Variants in CSMD1 observed in about 807,000 individuals in gnomAD.
The protein encoded by CSMD1 is CUB and Sushi multiple domains 1, also known as CUB and sushi domain-containing protein 1.
CSMD1 carries 213 observed loss-of-function variants against 417.5 expected under a neutral mutation model. The observed-to-expected ratio is 0.51, with a 90% confidence interval of 0.46 to 0.57. CSMD1 has a LOEUF of 0.57. CSMD1 is among the 20% of genes least tolerant of loss of function. The pLI, the probability that CSMD1 is intolerant of heterozygous loss-of-function variation, is 0.00. For missense variants in CSMD1, 6,923 were observed against 4,529.7 expected, an observed-to-expected ratio of 1.53 and a Z score of -15.17; for synonymous variants, 2,862 against 1,736.8, an observed-to-expected ratio of 1.65 and a Z score of -16.11.
chr8:3,029,899 T>C (rs533942387), intron 50 of CSMD1, among the ~76,000 whole-genome samples: 5 of 152,182 alleles, frequency 3.3e-5, no homozygotes, highest in South Asian at 2.1e-4. Context: ...ATAGTAATTG[T>C]GTAATTGCAA....
At chr8:3,923,856 C>G (rs1360801057) in intron 5 of CSMD1, among the ~76,000 whole-genome samples, 1 of 152,150 alleles carries the variant, frequency 6.6e-6, no homozygotes, top group South Asian at 2.1e-4. Flanking sequence ...TAAGTGAAAT[C>G]ATGCAGTATT....
At chr8:4,045,241 A>T (rs1442265424) in intron 3 of CSMD1, among the ~76,000 whole-genome samples, 2 of 152,222 alleles carry the variant, frequency 1.3e-5, no homozygotes, top group African/African-American at 4.8e-5. Flanking sequence ...TAATGAGCTT[A>T]GGAGCAGAAG....
intron 1 of CSMD1, among the ~76,000 whole-genome samples, chr8:4,758,826 C>T (rs1456623297): frequency 6.6e-6 from 1 of 152,148 alleles, no homozygotes; most frequent in Non-Finnish European, 1.5e-5. Context: ...CAACCACCTC[C>T]CACCAGGTCT....
intron 25 of CSMD1, among the ~76,000 whole-genome samples, chr8:3,299,036 A>C (rs1804181737): frequency 6.6e-6 from 1 of 152,218 alleles, no homozygotes; most frequent in Admixed American, 6.5e-5. Flanking sequence ...TCATGACTCC[A>C]ACAAAAAATA....
chr8:4,919,656 T>C (rs1210678695), intron 1 of CSMD1, among the ~76,000 whole-genome samples: 2 of 152,308 alleles, frequency 1.3e-5, no homozygotes, highest in Admixed American at 6.5e-5. Flanking sequence ...CTCCAGTACA[T>C]TGTACTACTA....
At chr8:4,047,401 T>G (rs1010523708) in intron 3 of CSMD1, among the ~76,000 whole-genome samples, 1 of 152,140 alleles carries the variant, frequency 6.6e-6, no homozygotes, top group Non-Finnish European at 1.5e-5. Flanking sequence ...TCAGGAAATA[T>G]TGCGGAAAAA....
intron 1 of CSMD1, among the ~76,000 whole-genome samples, chr8:4,755,661 G>T (rs1811622124): frequency 6.6e-6 from 1 of 152,204 alleles, no homozygotes; most frequent in East Asian, 1.9e-4. Context: ...TCTGTCAATG[G>T]CATTATTAGT....
At chr8:3,976,600 T>A (rs188236703) in intron 5 of CSMD1, among the ~76,000 whole-genome samples, 120 of 152,356 alleles carry the variant, frequency 7.9e-4, no homozygotes, top group African/African-American at 2.5e-3. Context: ...AAGATTTGCA[T>A]AAGCATTAAT....
At chr8:3,272,171 C>A (rs1352557558) in intron 26 of CSMD1, among the ~76,000 whole-genome samples, 1 of 146,732 alleles carries the variant, frequency 6.8e-6, no homozygotes, top group Non-Finnish European at 1.5e-5. Flanking sequence ...TTCCCAGCAC[C>A]ATTTATTAAA....
At chr8:4,571,635 A>T (rs1047247035) in intron 2 of CSMD1, among the ~76,000 whole-genome samples, 1 of 152,188 alleles carries the variant, frequency 6.6e-6, no homozygotes. Flanking sequence ...TCGGGTGGAC[A>T]GTTCTATAGA....
At chr8:4,319,460 C>T (rs1455095520) in intron 3 of CSMD1, among the ~76,000 whole-genome samples, 1 of 152,120 alleles carries the variant, frequency 6.6e-6, no homozygotes, top group Non-Finnish European at 1.5e-5. Flanking sequence ...ATAATAGCTA[C>T]TCCTTCTTAA....
intron 3 of CSMD1, among the ~76,000 whole-genome samples, chr8:4,355,553 A>C (rs1801378933): frequency 6.6e-6 from 1 of 152,206 alleles, no homozygotes; most frequent in African/African-American, 2.4e-5. Flanking sequence ...ATAAGTGAAG[A>C]AATAACAACT....
In CSMD1 at chr8:4,822,953, C is replaced by T. The variant is rs187891363; in HGVS notation, c.85+171379G>A. Among the ~76,000 whole-genome samples, 22 of 152,180 alleles carry T rather than the reference C, an allele frequency of 1.4e-4. No individual in the cohort carries two copies. The East Asian group carries it at 4.2e-3, about 29-fold the overall frequency. ...TTTTGATAATTTATTCGGACTTTGC[C>T]TCTGATGATCCCATCTAGCAACCAT... is the stretch of plus-strand genomic sequence containing the variant. On this transcript the variant is annotated intron_variant, in intron 1 of 69. Coordinates refer to ENST00000635120, the MANE Select transcript of CSMD1 (RefSeq NM_033225.6).
chr8:4,075,289 A>G (rs1329009107), intron 3 of CSMD1, among the ~76,000 whole-genome samples: 1 of 152,196 alleles, frequency 6.6e-6, no homozygotes, highest in South Asian at 2.1e-4. Flanking sequence ...AATTGTTGAT[A>G]TATGTTTATG....
chr8:4,179,558 A>G (rs1048979949), intron 3 of CSMD1, among the ~76,000 whole-genome samples: 2 of 150,636 alleles, frequency 1.3e-5, no homozygotes, highest in South Asian at 2.2e-4. Flanking sequence ...CAATGACAAC[A>G]AAAGACAAAA....
At chr8:3,993,305 G>A (rs1000322038) in intron 5 of CSMD1, among the ~76,000 whole-genome samples, 9 of 152,212 alleles carry the variant, frequency 5.9e-5, no homozygotes, top group African/African-American at 2.2e-4. Context: ...GGGCACGTGA[G>A]AGAAGGATTG....
intron 30 of CSMD1, among the ~76,000 whole-genome samples, chr8:3,212,327 C>T (rs1797658951): frequency 6.6e-6 from 1 of 152,136 alleles, no homozygotes; most frequent in South Asian, 2.1e-4. Flanking sequence ...TGATGCATAA[C>T]CTGGCCTATG....
At chr8:3,510,971 G>C (rs1193613188) in intron 10 of CSMD1, among the ~76,000 whole-genome samples, 1 of 151,736 alleles carries the variant, frequency 6.6e-6, no homozygotes, top group Non-Finnish European at 1.5e-5. Context: ...CAAAGACTTG[G>C]AATGAACCCA....
intron 49 of CSMD1, among the ~76,000 whole-genome samples, chr8:3,075,975 T>G (rs564112183): frequency 1.3e-5 from 2 of 149,572 alleles, no homozygotes; most frequent in African/African-American, 4.9e-5. Context: ...GGCATGAACC[T>G]GGGAGGCGCA....
Sources: allele counts gnomAD v4.1 joint callset (sites outside exome capture counted in the v4.1 genomes callset), GRCh38; gene constraint gnomAD v4.1.1; transcripts MANE v1.5; gene names NCBI Gene and HGNC (gene_info 2026-07-23, HGNC 2026-07-21).